NUP43: variants seen among roughly 807,000 people sequenced by gnomAD.
NUP43 encodes the protein nucleoporin 43, also known as nucleoporin Nup43.
NUP43 carries 32 observed loss-of-function variants against 47.3 expected under a neutral mutation model. The ratio of observed to expected loss-of-function variants is 0.68; its 90% confidence interval spans 0.51 to 0.91. The LOEUF is 0.91. NUP43 is among the 40% of genes least tolerant of loss of function. NUP43 has a pLI of 0.00. For missense variants in NUP43, 444 were observed against 453.9 expected (o/e 0.98, Z 0.20); for synonymous variants, 147 against 158.4 (o/e 0.93, Z 0.54).
chr6:149,743,530 G>A, intron 3 of NUP43, 108 bp downstream of exon 3: 1 of 634,702 alleles, frequency 1.6e-6, no homozygotes, highest in Non-Finnish European at 2.7e-6. Flanking sequence ...AGAAGGTGGA[G>A]GCTGCGGTGA....
intron 4 of NUP43, among the ~76,000 whole-genome samples, chr6:149,739,821 C>T (rs1305144347): frequency 2.0e-5 from 3 of 152,156 alleles, no homozygotes; most frequent in East Asian, 1.9e-4. Context: ...TCATTTTCAC[C>T]CTCATCAACT....
chr6:149,742,662 C>T, intron 3 of NUP43, 92 bp from the exon 4 acceptor site: 1 of 887,516 alleles, frequency 1.1e-6, no homozygotes, highest in Non-Finnish European at 1.7e-6. Flanking sequence ...CTGACTCACA[C>T]CCTTCTACAA....
rs749600230 is a variant in NUP43 at position 149,742,390 on chromosome 6, C to T, written c.502G>A (p.Asp168Asn). 21 of 1,613,654 alleles carry T rather than the reference C, an allele frequency of 1.3e-5. No individual in the cohort carries two copies. Among genetic ancestry groups the T allele is most frequent in the South Asian group, 2.2e-5 (2 of 91,062 alleles). The change falls in exon 4 of 8, where the codon GAC becomes AAC. Residue 168 changes from aspartate to asparagine, a missense_variant and splice_region_variant. Transcript: ENST00000340413. ...ADHKEAVRTI[D>N]NADSSTLHAV... ...TTGGCCAGGCTGGGATTTTTCTTAC[C>T]TATGGTTCTTACAGCTTCCTTGTGA...
intron 6 of NUP43, among the ~76,000 whole-genome samples, chr6:149,734,885 T>A: frequency 6.7e-6 from 1 of 148,314 alleles, no homozygotes; most frequent in African/African-American, 2.5e-5. Context: ...GGCTAAATCA[T>A]CTCCACCAGA....
chr6:149,745,141 C>A (rs1785902071), intron 2 of NUP43, among the ~76,000 whole-genome samples: 1 of 151,924 alleles, frequency 6.6e-6, no homozygotes, highest in Admixed American at 6.6e-5. Flanking sequence ...TGGCTCACTC[C>A]TGTAATCCCA....
chr6:149,727,697 C>T, intron 7 of NUP43: 1 of 934,562 alleles, frequency 1.1e-6, no homozygotes, highest in Non-Finnish European at 1.3e-6. Flanking sequence ...AATATAATCG[C>T]CTTACCTCAA....
chr6:149,746,369 GC>G lies in NUP43; in HGVS notation c.120+6del, dbSNP rs938650336. 2.1e-5 allele frequency: 34 copies of G among 1,613,380 alleles called. No individual in the cohort carries two copies. In the African/African-American group the frequency reaches 3.9e-4, roughly 18 times the overall value. ...AGGTAGGGGCTCGTCCCTATCAGCGGCGATACCTCATTGTCCCAAGATCCTG... is the reference window on the plus strand; with the variant it reads ...AGGTAGGGGCTCGTCCCTATCAGCGGGATACCTCATTGTCCCAAGATCCTG... On this transcript the variant is annotated splice_donor_region_variant and intron_variant, in intron 1 of 7. Coordinates refer to ENST00000340413, the MANE Select transcript of NUP43 (RefSeq NM_198887.3).
upstream of NUP43, among the ~76,000 whole-genome samples, chr6:149,748,808 C>CAAAAA (rs1161065299): frequency 2.3e-5 from 2 of 87,350 alleles, no homozygotes; most frequent in Non-Finnish European, 4.9e-5. Flanking sequence ...GACTCCGTCT[C>CAAAAA]AAAAAAAAAA....
rs560961904 is a variant in NUP43, at chr6:149,728,636, T to TC, written c.914-1439dup. ...ATCTCCCTGTTTTCCACTTTTCTCC[T>TC]CCCCCTCCCATAAGTCTAAAGTCCT... On this transcript the variant is annotated intron_variant, in intron 7 of 7. Transcript: ENST00000340413. 3.4e-3 allele frequency among the ~76,000 whole-genome samples: 514 copies of TC among 152,102 alleles called. 2 individuals are homozygous for TC. The highest frequency in any genetic ancestry group is 6.0e-3 in the South Asian group (29 of 4,818).
intron 6 of NUP43, 82 bp downstream of exon 6, chr6:149,736,389 A>T: frequency 2.2e-6 from 2 of 926,700 alleles, no homozygotes; most frequent in Non-Finnish European, 3.1e-6. Flanking sequence ...AAAATGATCC[A>T]CATGTATCAT....
At chr6:149,727,745 C>A (rs954108256) in intron 7 of NUP43, 1 of 982,758 alleles carries the variant, frequency 1.0e-6, no homozygotes, top group Non-Finnish European at 1.2e-6. Flanking sequence ...AATGTTCTTA[C>A]AAGCAGATTA....
chr6:149,738,083 C>A (rs1785459936), intron 5 of NUP43, among the ~76,000 whole-genome samples: 1 of 152,150 alleles, frequency 6.6e-6, no homozygotes, highest in Admixed American at 6.5e-5. Flanking sequence ...CACAATTATT[C>A]ATTTTCACTT....
chr6:149,732,586 C>G (rs1582963444), intron 6 of NUP43, among the ~76,000 whole-genome samples: 1 of 148,488 alleles, frequency 6.7e-6, no homozygotes, highest in Middle Eastern at 3.6e-3. Flanking sequence ...TGGCTCATGC[C>G]TGTAATCCTA....
intron 6 of NUP43, among the ~76,000 whole-genome samples, chr6:149,733,097 T>C (rs766256525): frequency 1.3e-5 from 2 of 152,044 alleles, no homozygotes; most frequent in African/African-American, 2.4e-5. Flanking sequence ...TAAGTTGTCT[T>C]ATTTTTCAAT....
intron 2 of NUP43, 135 bp downstream of exon 2, chr6:149,745,805 G>T: frequency 1.5e-6 from 1 of 658,312 alleles, no homozygotes; most frequent in Non-Finnish European, 2.4e-6. Context: ...ATGATGTTGG[G>T]CAAATCATAA....
chr6:149,746,706 A>G (rs1300871273), upstream of NUP43: 6 of 1,510,938 alleles, frequency 4.0e-6, no homozygotes, highest in East Asian at 2.6e-5. Flanking sequence ...AGCAAAGGCA[A>G]GAGCGCTTTG....
In NUP43 at chr6:149,736,516, G is replaced by A. The variant is rs1361446807; in HGVS notation, c.745C>T (p.Gln249Ter). The A allele has an allele frequency of 6.2e-7, 1 of 1,610,834 alleles. No homozygotes were observed. The highest frequency in any genetic ancestry group is 1.7e-5 in the Admixed American group (1 of 59,942). Residue 249 changes from glutamine (Q) to a stop codon, truncating the protein, a stop_gained, in exon 6 of 8, where the codon CAA becomes TAA. Coordinates refer to ENST00000340413, the MANE Select transcript of NUP43 (RefSeq NM_198887.3). LOFTEE classifies it high-confidence loss of function. ...DGMLSIWDVR[Q>*]GTMPVSLLKA... ...AGCAGAGATACAGGCATAGTACCTT[G>A]TCTAACATCCCAAATACTCAACATT...
chr6:149,742,717 C>A, intron 3 of NUP43, 147 bp from the exon 4 acceptor site: 1 of 594,310 alleles, frequency 1.7e-6, no homozygotes, highest in Non-Finnish European at 2.9e-6. Flanking sequence ...AATCTAGAAA[C>A]TACTGCCATC....
upstream of NUP43, among the ~76,000 whole-genome samples, chr6:149,748,218 C>T (rs1786116586): frequency 6.6e-6 from 1 of 151,912 alleles, no homozygotes; most frequent in African/African-American, 2.4e-5. Flanking sequence ...CGGGAGGCTG[C>T]GGCAGAATTG....
Sources: gnomAD v4.1 joint callset for allele counts (sites outside exome capture counted in the v4.1 genomes callset) on GRCh38, gnomAD v4.1.1 for gene constraint, MANE v1.5 for transcripts, NCBI Gene and HGNC (gene_info 2026-07-23, HGNC 2026-07-21) for gene names.